Variants in MAST4 observed in about 807,000 individuals in gnomAD.
MAST4 encodes the protein microtubule-associated serine/threonine-protein kinase 4.
A neutral mutation model predicts 162.7 loss-of-function variants in MAST4; 89 were observed. The ratio of observed to expected loss-of-function variants is 0.55; its 90% CI spans 0.46 to 0.65. The LOEUF (loss-of-function observed/expected upper bound fraction) is 0.65, where lower values mean the gene tolerates loss of function less well. Ranked by LOEUF, MAST4 falls within the 30% of genes least tolerant of loss-of-function variation. The pLI is 0.00. For missense variants in MAST4, 3,153 were observed against 3,374.0 expected (o/e 0.93, Z 1.62); for synonymous variants, 1,479 against 1,361.1 (o/e 1.09, Z -1.91).
At chr5:66,949,876 G>A (rs1248058178) in intron 4 of MAST4, among the ~76,000 whole-genome samples, 1 of 152,164 alleles carries the variant, frequency 6.6e-6, no homozygotes, top group Non-Finnish European at 1.5e-5. Flanking sequence ...ATGGCATGAT[G>A]CTGAGTATAA....
chr5:66,928,506 A>G (rs1264539709), intron 4 of MAST4, among the ~76,000 whole-genome samples: 1 of 152,218 alleles, frequency 6.6e-6, no homozygotes, highest in East Asian at 1.9e-4. Context: ...CATTAAGGCA[A>G]AATCTAGTTT....
At chr5:66,860,650 G>T (rs1580685659) in intron 3 of MAST4, among the ~76,000 whole-genome samples, 2 of 145,196 alleles carry the variant, frequency 1.4e-5, no homozygotes, top group South Asian at 2.2e-4. Context: ...AGCCTTTCTT[G>T]TTTTTCCTTC....
At chr5:66,832,076 A>G (rs1326302062) in intron 3 of MAST4, among the ~76,000 whole-genome samples, 1 of 152,128 alleles carries the variant, frequency 6.6e-6, no homozygotes, top group African/African-American at 2.4e-5. Context: ...AATGAACAAT[A>G]GGCATCGTAA....
Position 67,164,652 on chromosome 5 carries a change from T to C in MAST4, c.5473T>C (p.Ser1825Pro). 6.2e-7 allele frequency: 1 copy of C among 1,613,888 alleles called. No homozygotes were observed. Among genetic ancestry groups the C allele is most frequent in the Non-Finnish European group, 8.5e-7 (1 of 1,179,868 alleles). The change falls in exon 29 of 29, where the codon TCT (serine) becomes CCT (proline). Residue 1825 changes from serine to proline, a missense_variant. Physicochemically the swap from Ser to Pro is moderately conservative, Grantham distance 74. Transcript: ENST00000403625. The surrounding 1 kb of genome is among the most constrained non-coding windows in gnomAD (Gnocchi z 5.3). ...CAAGACAGAACTGCCTTCCCCAGAGTCTGCACAGAGCCCCAGCCCAAGTGG... is the reference window on the plus strand; with the variant it reads ...CAAGACAGAACTGCCTTCCCCAGAGCCTGCACAGAGCCCCAGCCCAAGTGG... ...ASKTELPSPE[S>P]AQSPSPSGDV...
intron 3 of MAST4, among the ~76,000 whole-genome samples, chr5:66,835,189 C>A (rs1412615010): frequency 2.0e-5 from 3 of 152,130 alleles, no homozygotes; most frequent in African/African-American, 7.2e-5. Context: ...GAAGTCTCAT[C>A]CATTATGTTG....
rs999617203 is a variant in MAST4, at chr5:66,596,921, A to T, written c.266A>T (p.Glu89Val). 7.6e-7 allele frequency: 1 copy of T among 1,322,886 alleles called. No individual in the cohort carries two copies. Among genetic ancestry groups the T allele is most frequent in the African/African-American group, 1.5e-5 (1 of 64,836 alleles). The allele number at this position is 1,322,886 out of a possible 1,614,324, so 81.9% of individuals were successfully genotyped here. ...AAWAPASVLL[E>V]RGVLALPPPL... ...TGGGCTCCGGCAAGCGTGCTGCTGGAGCGCGGAGTCCTTGCGCTGCCGCCG... is the reference window on the plus strand; with the variant it reads ...TGGGCTCCGGCAAGCGTGCTGCTGGTGCGCGGAGTCCTTGCGCTGCCGCCG... Residue 89 changes from glutamate (E) to valine (V), a missense_variant, in exon 1 of 29, where the codon GAG (glutamate) becomes GTG (valine). This residue lies in a region of MAST4 where 327 missense variants were observed against 336.5 expected (regional missense o/e 0.97). Coordinates refer to ENST00000403625, the MANE Select transcript of MAST4 (RefSeq NM_001164664.2).
At chr5:67,034,195 C>A (rs1032352660) in intron 4 of MAST4, among the ~76,000 whole-genome samples, 1 of 152,130 alleles carries the variant, frequency 6.6e-6, no homozygotes, top group Non-Finnish European at 1.5e-5. Flanking sequence ...AGAGCTTCTT[C>A]AGATGTTTTC....
intron 1 of MAST4, among the ~76,000 whole-genome samples, chr5:66,612,325 T>C (rs1250528750): frequency 1.3e-5 from 2 of 152,172 alleles, no homozygotes; most frequent in African/African-American, 4.8e-5. Context: ...GCAAGGGTAT[T>C]ATCTTTGCAC....
At chr5:67,158,189 T>A (rs1772767336) in intron 26 of MAST4, among the ~76,000 whole-genome samples, 2 of 152,208 alleles carry the variant, frequency 1.3e-5, no homozygotes, top group African/African-American at 4.8e-5. Context: ...AGACCTTACA[T>A]ACTTACAAAA....
chr5:67,083,779 C>G (rs1045588408), intron 5 of MAST4, among the ~76,000 whole-genome samples: 1 of 152,100 alleles, frequency 6.6e-6, no homozygotes, highest in African/African-American at 2.4e-5. Context: ...TTCTTACCTC[C>G]CTTCCTTGAC....
chr5:66,600,902 C>G (rs569946790), intron 1 of MAST4, among the ~76,000 whole-genome samples: 4 of 152,284 alleles, frequency 2.6e-5, no homozygotes, highest in African/African-American at 7.2e-5. Context: ...ATTTCCAACT[C>G]AACAAGAGAC....
intron 4 of MAST4, among the ~76,000 whole-genome samples, chr5:66,973,027 G>A (rs1035300689): frequency 4.6e-5 from 7 of 152,110 alleles, no homozygotes; most frequent in Admixed American, 1.3e-4. Context: ...TGATTCACCA[G>A]TTAACACTTG....
intron 5 of MAST4, among the ~76,000 whole-genome samples, chr5:67,076,339 T>C (rs1761639111): frequency 6.6e-6 from 1 of 152,164 alleles, no homozygotes; most frequent in Admixed American, 6.5e-5. Flanking sequence ...CGTGTGCCAG[T>C]TTTTCCCACA....
At chr5:66,667,078 C>G (rs1300969580) in intron 1 of MAST4, among the ~76,000 whole-genome samples, 2 of 152,140 alleles carry the variant, frequency 1.3e-5, no homozygotes, top group African/African-American at 4.8e-5. Flanking sequence ...AGGGGAAGAG[C>G]ATATGGGGGT....
intron 4 of MAST4, among the ~76,000 whole-genome samples, chr5:66,974,624 C>T (rs866918073): frequency 6.6e-6 from 1 of 152,198 alleles, no homozygotes; most frequent in Middle Eastern, 3.2e-3. Flanking sequence ...TCTCCAGCTT[C>T]TCTGAACAGA....
intron 1 of MAST4, among the ~76,000 whole-genome samples, chr5:66,715,822 AATT>A: frequency 6.6e-6 from 1 of 151,954 alleles, no homozygotes; most frequent in South Asian, 2.1e-4. Context: ...ACAGATATCA[AATT>A]ATCCTATCCA....
intron 19 of MAST4, among the ~76,000 whole-genome samples, chr5:67,139,155 A>G (rs543762631): frequency 6.6e-6 from 1 of 152,330 alleles, no homozygotes; most frequent in East Asian, 1.9e-4. Context: ...GTCCAACATG[A>G]CAGGTCCCAG....
chr5:66,672,187 T>C (rs978158537), intron 1 of MAST4, among the ~76,000 whole-genome samples: 2 of 152,236 alleles, frequency 1.3e-5, no homozygotes, highest in African/African-American at 4.8e-5. Flanking sequence ...ATGTAGGTTT[T>C]AGCTCACCAT....
intron 1 of MAST4, among the ~76,000 whole-genome samples, chr5:66,724,969 C>G (rs908621062): frequency 4.0e-5 from 6 of 151,830 alleles, no homozygotes; most frequent in Non-Finnish European, 7.4e-5. Flanking sequence ...TTTGCATGTT[C>G]TTTTCTTTTT....
Sources: allele counts gnomAD v4.1 joint callset (sites outside exome capture counted in the v4.1 genomes callset), GRCh38; gene constraint gnomAD v4.1.1; regional missense constraint gnomAD v4.1.1; non-coding constraint Gnocchi (gnomAD v3.1); transcripts MANE v1.5; gene names NCBI Gene and HGNC (gene_info 2026-07-23, HGNC 2026-07-21).